Variants in SLC17A6 observed in about 807,000 individuals in gnomAD.
SLC17A6 encodes solute carrier family 17 member 6.
Under a neutral mutation model 67.1 loss-of-function variants are expected in SLC17A6, and 35 were observed. The observed-to-expected ratio is 0.52, with a 90% confidence interval of 0.40 to 0.69. The LOEUF is 0.69. SLC17A6 is among the 30% of genes least tolerant of loss of function. The pLI is 0.00. For missense variants in SLC17A6, 588 were observed against 723.9 expected (o/e 0.81, Z 2.15); for synonymous variants, 285 against 252.3 (o/e 1.13, Z -1.23).
At chr11:22,343,225 C>T (rs1284623587) in intron 2 of SLC17A6, 22 bp from the exon 3 acceptor site, 2 of 1,596,218 alleles carry the variant, frequency 1.3e-6, no homozygotes, top group African/African-American at 1.3e-5. Flanking sequence ...TCCCTTCACA[C>T]TTTTTTCCTA....
At chr11:22,350,903 G>A (rs895693444) in intron 3 of SLC17A6, among the ~76,000 whole-genome samples, 1 of 152,014 alleles carries the variant, frequency 6.6e-6, no homozygotes, top group South Asian at 2.1e-4. Flanking sequence ...TAAAAATTGT[G>A]TAATTTGCTA....
chr11:22,356,496 A>C (rs1855994501), intron 3 of SLC17A6, among the ~76,000 whole-genome samples: 1 of 152,146 alleles, frequency 6.6e-6, no homozygotes. Flanking sequence ...AATTCAATGG[A>C]TTTTGAGATG....
intron 8 of SLC17A6, among the ~76,000 whole-genome samples, chr11:22,371,611 C>G (rs764022): frequency 0.64 from 97,256 of 151,422 alleles, 31,575 homozygotes; most frequent in African/African-American, 0.72. Context: ...TTCTCGGGGG[C>G]AGAGTGAGGA....
rs147729755 is a variant in SLC17A6 at position 22,378,846 on chromosome 11, C to G, written c.*1106C>G. The G allele has an allele frequency of 6.6e-6, 1 of 151,968 alleles. No homozygotes were observed. The highest frequency in any genetic ancestry group is 1.5e-5 in the Non-Finnish European group (1 of 67,930). The allele number at this position is 151,968 out of a possible 1,614,324, so 9.4% of individuals were successfully genotyped here. On this transcript the variant is annotated 3_prime_UTR_variant, in exon 12 of 12. Transcript: ENST00000263160. ...TACATTATATTAAAATGGTCTCTCT[C>G]TATATATATCTGTATATCTTATACA...
At position 22,343,350 on chromosome 11, in the gene SLC17A6, G is replaced by A. The variant is rs138598101; in HGVS notation, c.443G>A (p.Arg148Gln). The change falls in exon 3 of 12, where the codon CGG (arginine) becomes CAG (glutamine). Residue 148 changes from arginine to glutamine, a missense_variant. Transcript: ENST00000263160. Reference sequence around the variant, plus strand: ...ATTCCGGGAGGCTACATCGCGTCTCGGCTGGCAGCCAACAGGTAATGCGCC... The same window carrying A: ...ATTCCGGGAGGCTACATCGCGTCTCAGCTGGCAGCCAACAGGTAATGCGCC... ...TQIPGGYIASRLAANRVFGAA... is the reference protein window; with the variant it reads ...TQIPGGYIASQLAANRVFGAA... 2 of 1,610,820 alleles carry A rather than the reference G, an allele frequency of 1.2e-6. No homozygotes were observed. The highest frequency in any genetic ancestry group is 4.5e-5 in the East Asian group (2 of 44,828).
chr11:22,376,461 AG>A, intron 10 of SLC17A6, 83 bp from the exon 11 acceptor site: 1 of 1,454,840 alleles, frequency 6.9e-7, no homozygotes, highest in Non-Finnish European at 9.5e-7. Flanking sequence ...GTATATTTTA[AG>A]GAGTTGTGAT....
chr11:22,375,205 G>A (rs937587711), intron 9 of SLC17A6, among the ~76,000 whole-genome samples: 18 of 151,212 alleles, frequency 1.2e-4, no homozygotes, highest in East Asian at 2.0e-4. Context: ...ACCCCATCTC[G>A]ACTAAAAACA....
chr11:22,343,118 C>T, intron 2 of SLC17A6, 129 bp from the exon 3 acceptor site: 1 of 770,804 alleles, frequency 1.3e-6, no homozygotes, highest in Non-Finnish European at 2.2e-6. Flanking sequence ...GAAAATGAAG[C>T]CACTCTTATC....
chr11:22,343,472 C>A (rs938447317), intron 3 of SLC17A6, 107 bp downstream of exon 3: 2 of 883,206 alleles, frequency 2.3e-6, no homozygotes, highest in South Asian at 1.7e-5. Flanking sequence ...TGAGGACTCC[C>A]GGGCGAAGTC....
At chr11:22,373,203 A>G (rs1211641220) in intron 8 of SLC17A6, among the ~76,000 whole-genome samples, 2 of 152,190 alleles carry the variant, frequency 1.3e-5, no homozygotes, top group African/African-American at 2.4e-5. Flanking sequence ...TTTCAGATGT[A>G]TTAAATACTG....
intron 3 of SLC17A6, among the ~76,000 whole-genome samples, chr11:22,347,885 C>T (rs1855896162): frequency 1.3e-5 from 2 of 152,192 alleles, no homozygotes; most frequent in Admixed American, 1.3e-4. Context: ...TTTTCCCCTA[C>T]CGTAATCCTT....
chr11:22,366,716 G>A (rs1181508943), intron 7 of SLC17A6, among the ~76,000 whole-genome samples: 1 of 152,080 alleles, frequency 6.6e-6, no homozygotes, highest in African/African-American at 2.4e-5. Flanking sequence ...AGGTGGCTGG[G>A]CGTCGTGGCT....
At chr11:22,366,023 C>T (rs1156917040) in intron 7 of SLC17A6, among the ~76,000 whole-genome samples, 1 of 152,084 alleles carries the variant, frequency 6.6e-6, no homozygotes, top group Admixed American at 6.6e-5. Flanking sequence ...TTAAAAAAAT[C>T]CAAATCAGCC....
At chr11:22,349,424 A>G (rs1442437087) in intron 3 of SLC17A6, among the ~76,000 whole-genome samples, 4 of 152,160 alleles carry the variant, frequency 2.6e-5, no homozygotes, top group African/African-American at 7.2e-5. Flanking sequence ...AAAAGAAAAT[A>G]CCCTTTACCA....
chr11:22,354,507 T>C (rs1855976864), intron 3 of SLC17A6, among the ~76,000 whole-genome samples: 1 of 152,262 alleles, frequency 6.6e-6, no homozygotes, highest in Admixed American at 6.5e-5. Flanking sequence ...ATTTAACTAC[T>C]TACTTCAAAA....
rs867138671 is a variant in SLC17A6, at chr11:22,370,150, G to A, written c.1003G>A (p.Ala335Thr). ...TFYLLLISQP[A>T]YFEEVFGFEI... ...TTATTTATTGCTTATTAGTCAGCCA[G>A]CATATTTTGAGGAAGTCTTTGGATT... Residue 335 changes from alanine to threonine, a missense_variant, in exon 8 of 12, where the codon GCA (alanine) becomes ACA (threonine). By Grantham distance (58) the Ala-to-Thr change is moderately conservative (BLOSUM62 0). Around this residue, in one of 4 missense-constraint regions of SLC17A6, gnomAD observed 414 missense variants for 563.4 expected, o/e 0.73. Transcript: ENST00000263160. 1 of 1,609,878 alleles carries A rather than the reference G, an allele frequency of 6.2e-7. No homozygotes were observed. The highest frequency in any genetic ancestry group is 8.5e-7 in the Non-Finnish European group (1 of 1,178,436).
chr11:22,358,554 G>C (rs368745491), intron 3 of SLC17A6, among the ~76,000 whole-genome samples: 1 of 152,112 alleles, frequency 6.6e-6, no homozygotes, highest in South Asian at 2.1e-4. Context: ...CTGGTTTTGA[G>C]ATCCTGACCT....
chr11:22,358,699 T>C (rs1190717306), intron 3 of SLC17A6, among the ~76,000 whole-genome samples: 1 of 152,158 alleles, frequency 6.6e-6, no homozygotes, highest in Admixed American at 6.5e-5. Context: ...ATAAAAGCTT[T>C]AGCATTACGT....
chr11:22,343,015 C>A (rs1027933475), intron 2 of SLC17A6: 46 of 596,734 alleles, frequency 7.7e-5, no homozygotes, highest in African/African-American at 7.4e-4. Context: ...AGTCAGGGAG[C>A]AAAGCCAGTG....
Sources: gnomAD v4.1 joint callset for allele counts (sites outside exome capture counted in the v4.1 genomes callset) on GRCh38, gnomAD v4.1.1 for gene constraint, gnomAD v4.1.1 regional missense constraint, MANE v1.5 for transcripts, NCBI Gene and HGNC (gene_info 2026-07-23, HGNC 2026-07-21) for gene names.